Variants in AIG1 observed in about 807,000 individuals in gnomAD.
The protein encoded by AIG1 is androgen-induced gene 1 protein.
A neutral mutation model predicts 31.4 loss-of-function variants in AIG1; 23 were observed. The observed-to-expected ratio is 0.73, with a 90% confidence interval of 0.53 to 1.04. The LOEUF (loss-of-function observed/expected upper bound fraction) is 1.04, where lower values mean the gene tolerates loss of function less well. Among genes scored for constraint, AIG1 ranks in the 50% least tolerant of loss-of-function variants. AIG1 has a pLI of 0.00. For synonymous variants in AIG1, 100 were observed against 110.5 expected, an observed-to-expected ratio of 0.90 and a Z score of 0.60; for missense variants, 274 against 295.0, an observed-to-expected ratio of 0.93 and a Z score of 0.52.
At chr6:143,183,922 G>T (rs1366540561) in intron 3 of AIG1, among the ~76,000 whole-genome samples, 3 of 152,242 alleles carry the variant, frequency 2.0e-5, no homozygotes, top group African/African-American at 7.2e-5. Context: ...CTGGTTTCTT[G>T]GCAGAAGTCC....
chr6:143,322,606 C>T (rs1776305048), intron 4 of AIG1, among the ~76,000 whole-genome samples: 1 of 152,144 alleles, frequency 6.6e-6, no homozygotes, highest in Non-Finnish European at 1.5e-5. Context: ...GTAACATCAC[C>T]ATAAAACCAG....
chr6:143,247,557 C>T (rs747909402), intron 3 of AIG1, among the ~76,000 whole-genome samples: 1 of 152,220 alleles, frequency 6.6e-6, no homozygotes, highest in Non-Finnish European at 1.5e-5. Context: ...AACAAAGACA[C>T]TTCTACCAGC....
Position 143,299,308 on chromosome 6 carries a change from CT to C in AIG1, c.515+15084del, listed in dbSNP as rs1261683181. 1 of 152,230 alleles carries C rather than the reference CT, an allele frequency of 6.6e-6. No homozygotes were observed. Among genetic ancestry groups the C allele is most frequent in the African/African-American group, 2.4e-5 (1 of 41,454 alleles). The allele number at this position is 152,230 out of a possible 1,614,324, so 9.4% of individuals were successfully genotyped here. ...CTTCTTCTCACAGTCCTTAGGAATACTCTTCCAAGTCTCAGCTAGCAGAGTC... is the reference window on the plus strand; with the variant it reads ...CTTCTTCTCACAGTCCTTAGGAATACCTTCCAAGTCTCAGCTAGCAGAGTC... On this transcript the variant is annotated intron_variant, in intron 4 of 5. Transcript: ENST00000357847. This position sits in a 1 kb window ranked among gnomAD's most constrained non-coding sequence, Gnocchi z 4.1.
intron 1 of AIG1, among the ~76,000 whole-genome samples, chr6:143,062,608 T>C (rs1050487795): frequency 1.3e-5 from 2 of 152,232 alleles, no homozygotes; most frequent in Non-Finnish European, 2.9e-5. Flanking sequence ...TTGCCAATTA[T>C]GTTGTGTAGC....
chr6:143,286,967 G>A (rs536433636), intron 4 of AIG1, among the ~76,000 whole-genome samples: 3 of 145,596 alleles, frequency 2.1e-5, no homozygotes, highest in Non-Finnish European at 3.0e-5. Context: ...TCCCAGCCCC[G>A]TTGCAGTCCT....
At chr6:143,322,824 CCT>C (rs1394223321) in intron 4 of AIG1, among the ~76,000 whole-genome samples, 2 of 152,284 alleles carry the variant, frequency 1.3e-5, no homozygotes, top group South Asian at 2.1e-4. Flanking sequence ...TCACAATTTG[CCT>C]CTTTCTCCAG....
chr6:143,321,377 T>C (rs954211973), intron 4 of AIG1, among the ~76,000 whole-genome samples: 2 of 151,694 alleles, frequency 1.3e-5, no homozygotes, highest in East Asian at 3.9e-4. Flanking sequence ...AGGCGGGTGA[T>C]CACTTGAGGC....
intron 3 of AIG1, among the ~76,000 whole-genome samples, chr6:143,213,807 A>G (rs1791791169): frequency 6.6e-6 from 1 of 152,058 alleles, no homozygotes; most frequent in African/African-American, 2.4e-5. Context: ...GTGAGCCACT[A>G]TGCCTGGCCT....
At chr6:143,193,752 T>A (rs1789983936) in intron 3 of AIG1, among the ~76,000 whole-genome samples, 1 of 152,240 alleles carries the variant, frequency 6.6e-6, no homozygotes, top group African/African-American at 2.4e-5. Context: ...AGGACAATGA[T>A]CACAGCTCAC....
intron 1 of AIG1, among the ~76,000 whole-genome samples, chr6:143,124,977 T>C (rs1323958606): frequency 6.6e-6 from 1 of 152,180 alleles, no homozygotes; most frequent in African/African-American, 2.4e-5. Context: ...CTGAAGCCCA[T>C]CTTTGGGGAG....
rs1203219339 is a variant in AIG1, at chr6:143,297,772, C to T, written c.515+13547C>T. Among the ~76,000 whole-genome samples the T allele has an allele frequency of 6.6e-6, 1 of 152,156 alleles. No homozygotes were observed. Among genetic ancestry groups the T allele is most frequent in the African/African-American group, 2.4e-5 (1 of 41,432 alleles). ...TCAGCCAGATAGTTTTTTTAAAATGCAAATTTTATCCTGTCAATCCTCCTA... is the reference window on the plus strand; with the variant it reads ...TCAGCCAGATAGTTTTTTTAAAATGTAAATTTTATCCTGTCAATCCTCCTA... On this transcript the variant is annotated intron_variant, in intron 4 of 5. Transcript: ENST00000357847. This position sits in a 1 kb window ranked among gnomAD's most constrained non-coding sequence, Gnocchi z 5.1.
intron 2 of AIG1, among the ~76,000 whole-genome samples, chr6:143,150,709 A>T (rs1219034556): frequency 1.3e-5 from 2 of 152,098 alleles, no homozygotes; most frequent in African/African-American, 4.8e-5. Flanking sequence ...GTAGTAAGAG[A>T]GGAGAAAGAA....
In AIG1 at chr6:143,333,170, G is replaced by A. The variant is rs1372983805; in HGVS notation, c.516-112G>A. 1 of 1,108,108 alleles carries A rather than the reference G, an allele frequency of 9.0e-7. No homozygotes were observed. The highest frequency in any genetic ancestry group is 1.6e-5 in the African/African-American group (1 of 61,800). The allele number at this position is 1,108,108 out of a possible 1,614,324, so 68.6% of individuals were successfully genotyped here. A position where few individuals can be genotyped will look rare whatever the true frequency, so the allele number is the denominator to read the frequency against. On this transcript the variant is annotated intron_variant, in intron 4 of 5. Coordinates refer to ENST00000357847, the MANE Select transcript of AIG1 (RefSeq NM_016108.4). The surrounding 1 kb of genome is among the most constrained non-coding windows in gnomAD (Gnocchi z 4.6). ...AGTATCAGAAGCGAACTTGAGACTG[G>A]CAAATGCTGAAGCATGGGGAGAGTG...
intron 3 of AIG1, among the ~76,000 whole-genome samples, chr6:143,179,358 T>A (rs138359201): frequency 4.4e-4 from 67 of 152,324 alleles, no homozygotes; most frequent in Non-Finnish European, 8.2e-4. Flanking sequence ...GTGTGCAGAA[T>A]CACATTCATT....
In AIG1 at chr6:143,120,935, C is replaced by T. The variant is rs149146560; in HGVS notation, c.142-15900C>T. 2.5e-3 allele frequency among the ~76,000 whole-genome samples: 381 copies of T among 152,308 alleles called. 1 individual carries two copies. The highest frequency in any genetic ancestry group is 8.6e-3 in the African/African-American group (359 of 41,564). ...ACCTGGCCCACCCAGGGCGGAAAAC[C>T]GCTTAAAGGCATTCTTAATCCACAA... On this transcript the variant is annotated intron_variant, in intron 1 of 5. Coordinates refer to ENST00000357847, the MANE Select transcript of AIG1 (RefSeq NM_016108.4).
At chr6:143,130,645 G>T (rs1783145481) in intron 1 of AIG1, among the ~76,000 whole-genome samples, 1 of 152,074 alleles carries the variant, frequency 6.6e-6, no homozygotes, top group African/African-American at 2.4e-5. Flanking sequence ...ATTTAACCCA[G>T]GGGGCAGAAG....
At chr6:143,223,510 A>T (rs7740214) in intron 3 of AIG1, among the ~76,000 whole-genome samples, 3 of 151,850 alleles carry the variant, frequency 2.0e-5, no homozygotes, top group African/African-American at 4.8e-5. Flanking sequence ...TGAAATTTGG[A>T]GGTGTTGCTT....
intron 1 of AIG1, among the ~76,000 whole-genome samples, chr6:143,086,647 C>T (rs1778813029): frequency 6.6e-6 from 1 of 151,562 alleles, no homozygotes; most frequent in South Asian, 2.1e-4. Flanking sequence ...GTAGAGCTTC[C>T]TTAGATCCCT....
chr6:143,312,292 A>G (rs1381134468), intron 4 of AIG1, among the ~76,000 whole-genome samples: 1 of 152,098 alleles, frequency 6.6e-6, no homozygotes, highest in Non-Finnish European at 1.5e-5. Flanking sequence ...AAACACTCAC[A>G]TTACATGACT....
Sources: allele counts gnomAD v4.1 joint callset (sites outside exome capture counted in the v4.1 genomes callset), GRCh38; gene constraint gnomAD v4.1.1; non-coding constraint Gnocchi (gnomAD v3.1); transcripts MANE v1.5; gene names NCBI Gene and HGNC (gene_info 2026-07-23, HGNC 2026-07-21).